The following FRMD6 variants were observed in gnomAD, a reference collection of about 807,000 sequenced individuals.
FRMD6 encodes FERM domain-containing protein 6.
FRMD6 carries 37 observed loss-of-function variants against 73.2 expected under a neutral mutation model. The observed-to-expected ratio is 0.51, with a 90% CI of 0.39 to 0.66. FRMD6 has a LOEUF of 0.66. FRMD6 is among the 30% of genes least tolerant of loss of function. The pLI is 0.00. For synonymous variants in FRMD6, 273 were observed against 282.2 expected (o/e 0.97, Z 0.33); for missense variants, 714 against 780.5 (o/e 0.91, Z 1.02).
chr14:51,643,325 T>G (rs543052628), intron 2 of FRMD6: 1 of 152,086 alleles, frequency 6.6e-6, no homozygotes, highest in Non-Finnish European at 1.5e-5. Flanking sequence ...AGTCACTGTG[T>G]GATGAAAAGG....
intron 1 of FRMD6, among the ~76,000 whole-genome samples, chr14:51,524,413 C>T (rs529510259): frequency 1.3e-5 from 2 of 151,986 alleles, no homozygotes; most frequent in South Asian, 2.1e-4. Flanking sequence ...TATGCATGAC[C>T]TTAGTAGGTG....
Position 51,689,674 on chromosome 14 carries a change from C to G in FRMD6, c.-146-17C>G. 1.6e-6 allele frequency: 1 copy of G among 619,624 alleles called. No individual in the cohort carries two copies. 38.4% of individuals were successfully genotyped at this position (619,624 alleles called of 1,614,324 possible). A position where few individuals can be genotyped will look rare whatever the true frequency, so the allele number is the denominator to read the frequency against. On this transcript the variant is annotated splice_polypyrimidine_tract_variant and intron_variant, in intron 1 of 13. Coordinates refer to ENST00000344768, the MANE Select transcript of FRMD6 (RefSeq NM_001267046.2). ...CACCGCCTTTCTTCAGGAGTCTCCC[C>G]TTTGGCTTTTTCACAGCTATGAAAC...
chr14:51,492,136 G>T (rs927313736), intron 1 of FRMD6, among the ~76,000 whole-genome samples: 4 of 151,990 alleles, frequency 2.6e-5, no homozygotes, highest in Non-Finnish European at 5.9e-5. Context: ...AGAGGAGTCA[G>T]GAAGTGTCCA....
intron 1 of FRMD6, among the ~76,000 whole-genome samples, chr14:51,525,350 C>A (rs1885192173): frequency 6.6e-6 from 1 of 152,044 alleles, no homozygotes; most frequent in Non-Finnish European, 1.5e-5. Flanking sequence ...CTCACTGCAA[C>A]CTCCCCCTCC....
intron 1 of FRMD6, among the ~76,000 whole-genome samples, chr14:51,555,212 T>C (rs1216239288): frequency 1.3e-5 from 2 of 152,204 alleles, no homozygotes; most frequent in Admixed American, 1.3e-4. Flanking sequence ...TACATGACTA[T>C]CACCGGGAGC....
chr14:51,499,423 T>G (rs2140203505), intron 1 of FRMD6, among the ~76,000 whole-genome samples: 1 of 152,354 alleles, frequency 6.6e-6, no homozygotes, highest in Non-Finnish European at 1.5e-5. Context: ...TAACACTTAT[T>G]CAGAACTTTT....
At chr14:51,474,444 C>A in the FRMD6 span, among the ~76,000 whole-genome samples, 1 of 152,128 alleles carries the variant, frequency 6.6e-6, no homozygotes, top group Non-Finnish European at 1.5e-5. Context: ...GCCTCAGAAT[C>A]CTAGGCAGTG....
At chr14:51,415,918 T>C in the FRMD6 span, among the ~76,000 whole-genome samples, 1 of 152,252 alleles carries the variant, frequency 6.6e-6, no homozygotes, top group Non-Finnish European at 1.5e-5. Flanking sequence ...CCATTTCTTC[T>C]AGATTTTCCA....
At chr14:51,581,285 G>C (rs1888709873) in intron 2 of FRMD6, among the ~76,000 whole-genome samples, 1 of 152,124 alleles carries the variant, frequency 6.6e-6, no homozygotes, top group East Asian at 1.9e-4. Context: ...TCAGGACCTA[G>C]ACATTCATCC....
intron 1 of FRMD6, among the ~76,000 whole-genome samples, chr14:51,529,419 A>G (rs920339428): frequency 1.1e-4 from 17 of 152,396 alleles, no homozygotes; most frequent in Admixed American, 2.0e-4. Flanking sequence ...TAAGCACTAC[A>G]GAAGTGTTTG....
chr14:51,433,784 G>A, the FRMD6 span, among the ~76,000 whole-genome samples: 1 of 152,140 alleles, frequency 6.6e-6, no homozygotes, highest in Non-Finnish European at 1.5e-5. Flanking sequence ...TTAGAACTAT[G>A]GGAATGTCCC....
chr14:51,691,588 A>ATTTTTTTTTTT (rs758677611), intron 2 of FRMD6, among the ~76,000 whole-genome samples: 10 of 75,138 alleles, frequency 1.3e-4, no homozygotes, highest in Non-Finnish European at 1.7e-4. Context: ...TTTGATTTTG[A>ATTTTTTTTTTT]TTTTTTTTTT....
At chr14:51,521,638 G>A (rs747473185) in intron 1 of FRMD6, among the ~76,000 whole-genome samples, 33 of 151,480 alleles carry the variant, frequency 2.2e-4, no homozygotes, top group Non-Finnish European at 4.0e-4. Context: ...TGATAGACGC[G>A]GGCAGGTTAA....
chr14:51,574,471 A>T (rs958729791), intron 2 of FRMD6, among the ~76,000 whole-genome samples: 2 of 152,218 alleles, frequency 1.3e-5, no homozygotes, highest in African/African-American at 4.8e-5. Context: ...TGCACAACGG[A>T]GTACTACTGA....
At chr14:51,701,750 T>A (rs1428485184) in intron 4 of FRMD6, among the ~76,000 whole-genome samples, 1 of 151,782 alleles carries the variant, frequency 6.6e-6, no homozygotes, top group Admixed American at 6.6e-5. Flanking sequence ...CTTGGAATAA[T>A]GCTTTTAAAT....
intron 1 of FRMD6, among the ~76,000 whole-genome samples, chr14:51,687,224 G>A (rs577675040): frequency 6.6e-6 from 1 of 152,224 alleles, no homozygotes; most frequent in South Asian, 2.1e-4. Context: ...ATTCTGGAAA[G>A]TAGGTCAGTA....
chr14:51,644,391 A>C (rs878892327), intron 2 of FRMD6, among the ~76,000 whole-genome samples: 2 of 120,776 alleles, frequency 1.7e-5, no homozygotes, highest in African/African-American at 5.9e-5. Context: ...ACACACACTC[A>C]CTCACTCTCT....
the FRMD6 span, among the ~76,000 whole-genome samples, chr14:51,484,092 A>T: frequency 6.6e-6 from 1 of 152,228 alleles, no homozygotes; most frequent in Non-Finnish European, 1.5e-5. Flanking sequence ...TGTTAAATGT[A>T]TAAAAAATAA....
intron 2 of FRMD6, among the ~76,000 whole-genome samples, chr14:51,624,927 CTG>C (rs774400621): frequency 1.5e-4 from 23 of 152,200 alleles, no homozygotes; most frequent in Non-Finnish European, 2.9e-4. Flanking sequence ...AATTAAAAAA[CTG>C]TGTAATTAAA....
Sources: gnomAD v4.1 joint callset for allele counts (sites outside exome capture counted in the v4.1 genomes callset) on GRCh38, gnomAD v4.1.1 for gene constraint, MANE v1.5 for transcripts, NCBI Gene and HGNC (gene_info 2026-07-23, HGNC 2026-07-21) for gene names.